The following ARFRP1 variants were observed in gnomAD, a reference collection of about 807,000 sequenced individuals.
ARFRP1 encodes ADP-ribosylation factor-related protein 1.
In ARFRP1, 19 loss-of-function variants were observed where a neutral mutation model predicts 30.3. The observed-to-expected ratio is 0.63, with a 90% CI of 0.44 to 0.92. ARFRP1 has a LOEUF of 0.92. Among genes scored for constraint, ARFRP1 ranks in the 40% least tolerant of loss-of-function variants. The pLI is 0.00. For synonymous variants in ARFRP1, 133 were observed against 114.2 expected (o/e 1.16, Z -1.05); for missense variants, 245 against 267.5 (o/e 0.92, Z 0.59).
Position 63,700,276 on chromosome 20 carries a change from T to C in ARFRP1, c.*167A>G. ...CTCCCCTCCAAAGCCTCCGGATGCCTACGCTTTTCCAGACATAGAGGAAAG... is the reference window on the plus strand; with the variant it reads ...CTCCCCTCCAAAGCCTCCGGATGCCCACGCTTTTCCAGACATAGAGGAAAG... On this transcript the variant is annotated 3_prime_UTR_variant, in exon 8 of 8. Transcript: ENST00000622789. 1 of 1,068,992 alleles carries C rather than the reference T, an allele frequency of 9.4e-7. No individual in the cohort carries two copies. 66.2% of individuals were successfully genotyped at this position (1,068,992 alleles called of 1,614,324 possible).
intron 4 of ARFRP1, chr20:63,704,811 T>C (rs2091379564): frequency 6.6e-6 from 1 of 152,260 alleles, no homozygotes; most frequent in South Asian, 2.1e-4. Context: ...TTGGTTTCTG[T>C]GGGACCCACT....
chr20:63,702,008 C>CCA, intron 5 of ARFRP1, 108 bp from the exon 6 acceptor site: 4 of 1,061,150 alleles, frequency 3.8e-6, no homozygotes, highest in African/African-American at 1.8e-5. Flanking sequence ...GCCCCCCCCC[C>CCA]CCCCGTCACC....
At chr20:63,703,491 C>G (rs886120370) in intron 4 of ARFRP1, 3 of 152,238 alleles carry the variant, frequency 2.0e-5, no homozygotes, top group African/African-American at 7.3e-5. Context: ...GGTAGCGAGG[C>G]CCCCCCACCC....
rs563053625 is a variant in ARFRP1, at chr20:63,699,865, G to A, written c.*578C>T. ...AAGCCAGGCCCAGGCGTGGGGTATA[G>A]GTCTTCCCCCGCAGGCCTCAGCCCT... On this transcript the variant is annotated 3_prime_UTR_variant, in exon 8 of 8. Coordinates refer to ENST00000622789, the MANE Select transcript of ARFRP1 (RefSeq NM_001267547.3). The A allele has an allele frequency of 6.0e-6, 1 of 166,660 alleles. No individual in the cohort carries two copies. The highest frequency in any genetic ancestry group is 1.4e-4 in the South Asian group (1 of 6,968). The allele number at this position is 166,660 out of a possible 1,614,324, so 10.3% of individuals were successfully genotyped here.
In ARFRP1 at chr20:63,700,455, C is replaced by T. The variant is rs1387710422; in HGVS notation, c.594G>A (p.Arg198=). The change falls in exon 8 of 8, where the codon AGG becomes AGA. Residue 198 remains arginine, a synonymous_variant. Transcript: ENST00000622789. ...AGCGCGGCTGCGCCTACGTGATGTCCCTCTGCCGCGGCGGCCGGTGCACAT... is the reference window on the plus strand; with the variant it reads ...AGCGCGGCTGCGCCTACGTGATGTCTCTCTGCCGCGGCGGCCGGTGCACAT... The part of the protein sequence containing the change: ...VRNVHRPPRQ[R]DIT The T allele has an allele frequency of 3.1e-6, 5 of 1,609,082 alleles. No homozygotes were observed. In the African/African-American group the frequency reaches 5.3e-5, roughly 17 times the overall value.
In ARFRP1 at chr20:63,699,991, ACGGGG is replaced by A. The variant is rs2091115478; in HGVS notation, c.*447_*451del. The stretch of plus-strand genomic sequence containing the variant: ...TCAGCCCCAGACCACTTCCGGGGTC[ACGGGG>A]TCACGGGGTCACAGGGCAGAAGCCA... On this transcript the variant is annotated 3_prime_UTR_variant, in exon 8 of 8. Transcript: ENST00000622789. The A allele has an allele frequency of 6.6e-6, 1 of 151,196 alleles. No homozygotes were observed. Among genetic ancestry groups the A allele is most frequent in the East Asian group, 7.5e-4 (1 of 1,342 alleles). 9.4% of individuals were successfully genotyped at this position (151,196 alleles called of 1,614,324 possible). A position where few individuals can be genotyped will look rare whatever the true frequency, so the allele number is the denominator to read the frequency against.
In ARFRP1 at chr20:63,700,143, T is replaced by C; in HGVS notation, c.*300A>G. The C allele has an allele frequency of 2.4e-6, 1 of 422,220 alleles. No individual in the cohort carries two copies. Among genetic ancestry groups the C allele is most frequent in the East Asian group, 5.0e-5 (1 of 20,036 alleles). The allele number at this position is 422,220 out of a possible 1,614,324, so 26.2% of individuals were successfully genotyped here. On this transcript the variant is annotated 3_prime_UTR_variant, in exon 8 of 8. Coordinates refer to ENST00000622789, the MANE Select transcript of ARFRP1 (RefSeq NM_001267547.3). ...GCCAGCCTGAGCACTGGAGCCCCAA[T>C]TCCCAACCAGGTCTCCCTCAGACCC... is the stretch of plus-strand genomic sequence containing the variant.
At position 63,702,212 on chromosome 20, in the gene ARFRP1, A is replaced by G. The variant is rs775738273; in HGVS notation, c.270T>C (p.Tyr90=). Reference sequence around the variant, plus strand: ...CGTAGATGACGCCGTGACACTCCGCATAATACTGGGAGGAAGCACCAGGAG... The same window carrying G: ...CGTAGATGACGCCGTGACACTCCGCGTAATACTGGGAGGAAGCACCAGGAG... ...EELQSLWDKY[Y]AECHGVIYVI... Residue 90 remains tyrosine (Y), a synonymous_variant, in exon 5 of 8, where the codon TAT becomes TAC. Transcript: ENST00000622789. The G allele has an allele frequency of 8.7e-6, 14 of 1,611,794 alleles. No homozygotes were observed. The South Asian group carries it at 1.1e-4, about 13-fold the overall frequency.
chr20:63,702,291 G>T (rs2145550404), intron 4 of ARFRP1, 74 bp from the exon 5 acceptor site: 1 of 1,422,118 alleles, frequency 7.0e-7, no homozygotes, highest in Non-Finnish European at 9.8e-7. Context: ...CCTGTGTCAT[G>T]GCCACAGTGA....
intron 2 of ARFRP1, 65 bp downstream of exon 2, chr20:63,706,934 G>A (rs933313969): frequency 1.1e-5 from 18 of 1,580,114 alleles, no homozygotes; most frequent in Non-Finnish European, 1.4e-5. Flanking sequence ...GCAGCTGACA[G>A]CACAAAACCG....
In ARFRP1 at chr20:63,707,086, G is replaced by A. The variant is rs111259883; in HGVS notation, c.6C>T (p.Tyr2=). Residue 2 remains tyrosine, a synonymous_variant, in exon 2 of 8, where the codon TAC becomes TAT. Transcript: ENST00000622789. M[Y]TLLSGLYKYM... ...ACTTGTACAAGCCCGACAGCAGCGT[G>A]TACATCCTGCCCTGGGCACCCCAAC... The A allele has an allele frequency of 1.2e-6, 2 of 1,610,812 alleles. No individual in the cohort carries two copies. Among genetic ancestry groups the A allele is most frequent in the African/African-American group, 2.7e-5 (2 of 74,944 alleles).
intron 4 of ARFRP1, chr20:63,705,629 G>A (rs569815766): frequency 1.9e-5 from 10 of 532,162 alleles, no homozygotes; most frequent in Admixed American, 1.7e-4. Flanking sequence ...TAGAACTGAA[G>A]GAACCTCATC....
At position 63,706,703 on chromosome 20, in the gene ARFRP1, C is replaced by A; in HGVS notation, c.129G>T (p.Lys43Asn). The change falls in exon 3 of 8, where the codon AAG (lysine) becomes AAT (asparagine). Residue 43 changes from lysine (K) to asparagine (N), a missense_variant. Transcript: ENST00000622789. ...TGGATAGACTCATCCCCTTGTAGTT[C>A]TTGTTAAATCGGGTTTTCGACTGCT... ...FLEQSKTRFN[K>N]NYKGMSLSKI... 6.2e-7 allele frequency: 1 copy of A among 1,614,020 alleles called. No homozygotes were observed. The highest frequency in any genetic ancestry group is 1.1e-5 in the South Asian group (1 of 91,066).
At position 63,706,697 on chromosome 20, in the gene ARFRP1, G is replaced by C; in HGVS notation, c.135C>G (p.Tyr45Ter). Reference protein sequence around the residue: ...EQSKTRFNKNYKGMSLSKITT... With the variant: ...EQSKTRFNKN Reference sequence around the variant, plus strand: ...TGATTTTGGATAGACTCATCCCCTTGTAGTTCTTGTTAAATCGGGTTTTCG... The same window carrying C: ...TGATTTTGGATAGACTCATCCCCTTCTAGTTCTTGTTAAATCGGGTTTTCG... Residue 45 changes from tyrosine (Y) to a stop codon, truncating the protein, a stop_gained, in exon 3 of 8, where the codon TAC becomes TAG. Transcript: ENST00000622789. LOFTEE classifies it high-confidence loss of function. 6.2e-7 allele frequency: 1 copy of C among 1,614,022 alleles called. No individual in the cohort carries two copies. Among genetic ancestry groups the C allele is most frequent in the Non-Finnish European group, 8.5e-7 (1 of 1,179,918 alleles).
chr20:63,698,798 C>A lies in ARFRP1; in HGVS notation c.*1645G>T, dbSNP rs1339365724. The A allele has an allele frequency of 6.7e-6, 3 of 449,802 alleles. No homozygotes were observed. The highest frequency in any genetic ancestry group is 1.1e-5 in the Non-Finnish European group (3 of 262,364). 27.9% of individuals were successfully genotyped at this position (449,802 alleles called of 1,614,324 possible). A position where few individuals can be genotyped will look rare whatever the true frequency, so the allele number is the denominator to read the frequency against. On this transcript the variant is annotated 3_prime_UTR_variant, in exon 8 of 8. Coordinates refer to ENST00000622789, the MANE Select transcript of ARFRP1 (RefSeq NM_001267547.3). The stretch of plus-strand genomic sequence containing the variant: ...GAACTGCTGCCCGGGGCTTCCCCTA[C>A]CTCAGACAGACCCTCCCTGGGAGGA...
chr20:63,698,652 T>TA lies in ARFRP1; in HGVS notation c.*1790dup. The TA allele has an allele frequency of 7.5e-7, 1 of 1,330,928 alleles. No individual in the cohort carries two copies. Among genetic ancestry groups the TA allele is most frequent in the South Asian group, 1.9e-5 (1 of 53,656 alleles). The allele number at this position is 1,330,928 out of a possible 1,614,324, so 82.4% of individuals were successfully genotyped here. A position where few individuals can be genotyped will look rare whatever the true frequency, so the allele number is the denominator to read the frequency against. On this transcript the variant is annotated 3_prime_UTR_variant, in exon 8 of 8. Transcript: ENST00000622789. The stretch of plus-strand genomic sequence containing the variant: ...TTTAAATAGAAGAAATGAGGTTTCT[T>TA]AAAGCTTATTTTTATAAAGCTTTTT...
rs1231234416 is a variant in ARFRP1 at position 63,699,549 on chromosome 20, C to CA, written c.*893dup. On this transcript the variant is annotated 3_prime_UTR_variant, in exon 8 of 8. Coordinates refer to ENST00000622789, the MANE Select transcript of ARFRP1 (RefSeq NM_001267547.3). ...TTTATTTTGCACTCACCCTGGGTGACACTGGGCAGGCCGCTCCTGCCCACA... is the reference window on the plus strand; with the variant it reads ...TTTATTTTGCACTCACCCTGGGTGACAACTGGGCAGGCCGCTCCTGCCCACA... 1 of 152,480 alleles carries CA rather than the reference C, an allele frequency of 6.6e-6. No individual in the cohort carries two copies. Among genetic ancestry groups the CA allele is most frequent in the African/African-American group, 2.4e-5 (1 of 41,466 alleles). 9.4% of individuals were successfully genotyped at this position (152,480 alleles called of 1,614,324 possible). A position where few individuals can be genotyped will look rare whatever the true frequency, so the allele number is the denominator to read the frequency against.
chr20:63,701,490 G>A (rs2091202670), intron 6 of ARFRP1: 2 of 502,794 alleles, frequency 4.0e-6, no homozygotes, highest in Non-Finnish European at 7.6e-6. Flanking sequence ...CAGGGCCCCA[G>A]CATCACTTCT....
rs758568982 is a variant in ARFRP1 at position 63,700,617 on chromosome 20, C to G, written c.503G>C (p.Cys168Ser). 4 of 1,610,640 alleles carry G rather than the reference C, an allele frequency of 2.5e-6. No homozygotes were observed. Among genetic ancestry groups the G allele is most frequent in the Middle Eastern group, 2.1e-4 (1 of 4,772 alleles). The change falls in exon 7 of 8, where the codon TGC (cysteine) becomes TCC (serine). Residue 168 changes from cysteine to serine, a missense_variant. Cys to Ser is a moderately radical substitution (Grantham distance 112). Transcript: ENST00000622789. ...CCCCACTCACCCTGTGAGGGCCGAG[C>G]AGGCCTGGGTCAGGCAATCTCGCCT... ...IGRRDCLTQA[C>S]SALTGKGVRE...
Sources: allele counts gnomAD v4.1 joint callset, GRCh38; gene constraint gnomAD v4.1.1; transcripts MANE v1.5; gene names NCBI Gene and HGNC (gene_info 2026-07-23, HGNC 2026-07-21).